The following RNF185 variants were observed in gnomAD, a reference collection of about 807,000 sequenced individuals.
RNF185 encodes ring finger protein 185.
A neutral mutation model predicts 24.9 loss-of-function variants in RNF185; 13 were observed. The ratio of observed to expected loss-of-function variants is 0.52; its 90% CI spans 0.34 to 0.83. The LOEUF (loss-of-function observed/expected upper bound fraction) is 0.83, where lower values mean the gene tolerates loss of function less well. Ranked by LOEUF, RNF185 falls within the 40% of genes least tolerant of loss-of-function variation. The pLI is 0.01. For missense variants in RNF185, 184 were observed against 244.7 expected (o/e 0.75, Z 1.65); for synonymous variants, 79 against 90.3 (o/e 0.88, Z 0.71).
intron 1 of RNF185, among the ~76,000 whole-genome samples, chr22:31,171,336 ATT>A (rs759793719): frequency 2.9e-5 from 4 of 136,800 alleles, no homozygotes; most frequent in Admixed American, 7.3e-5. Flanking sequence ...TGACCAGCTA[ATT>A]TTTTTTTTTT....
At chr22:31,172,059 C>A (rs2047935982) in intron 1 of RNF185, among the ~76,000 whole-genome samples, 1 of 152,196 alleles carries the variant, frequency 6.6e-6, no homozygotes, top group South Asian at 2.1e-4. Context: ...TTGGTTAGAT[C>A]TTGTCAAACT....
At chr22:31,193,006 G>A (rs1285346117) in intron 3 of RNF185, among the ~76,000 whole-genome samples, 1 of 152,178 alleles carries the variant, frequency 6.6e-6, no homozygotes, top group Non-Finnish European at 1.5e-5. Flanking sequence ...TTAAAACAGT[G>A]CCTCCTATCA....
At chr22:31,188,312 A>C (rs2048119850) in intron 2 of RNF185, among the ~76,000 whole-genome samples, 1 of 152,158 alleles carries the variant, frequency 6.6e-6, no homozygotes. Flanking sequence ...TTGGTGAATA[A>C]ATAGAATGGA....
intron 1 of RNF185, among the ~76,000 whole-genome samples, chr22:31,181,895 C>A (rs1162387755): frequency 6.6e-6 from 1 of 151,720 alleles, no homozygotes; most frequent in Non-Finnish European, 1.5e-5. Context: ...AGGAGGTATA[C>A]CTAATGTAAA....
At chr22:31,194,790 C>T (rs901032866) in intron 3 of RNF185, among the ~76,000 whole-genome samples, 67 of 152,034 alleles carry the variant, frequency 4.4e-4, no homozygotes, top group African/African-American at 1.5e-3. Context: ...ACAGTTGCTC[C>T]TACTGGGAAG....
chr22:31,195,412 C>T (rs2048195841), intron 3 of RNF185, 57 bp from the exon 4 acceptor site: 1 of 1,206,572 alleles, frequency 8.3e-7, no homozygotes, highest in African/African-American at 1.5e-5. Context: ...GTGGCTCTGG[C>T]TGATCACTCT....
chr22:31,181,996 A>C (rs905041548), intron 1 of RNF185, among the ~76,000 whole-genome samples: 4 of 151,848 alleles, frequency 2.6e-5, no homozygotes. Flanking sequence ...TAGAACTTAA[A>C]GTATAATAAA....
intron 2 of RNF185, among the ~76,000 whole-genome samples, chr22:31,190,285 GT>G (rs1287252796): frequency 6.6e-6 from 1 of 151,944 alleles, no homozygotes; most frequent in Non-Finnish European, 1.5e-5. Context: ...TGGATTTTTT[GT>G]TTGTTTGTTT....
intron 1 of RNF185, among the ~76,000 whole-genome samples, chr22:31,170,016 G>T (rs866405648): frequency 3.9e-5 from 6 of 152,168 alleles, no homozygotes; most frequent in African/African-American, 1.2e-4. Flanking sequence ...GAGCCAGATT[G>T]TGTCTGCTTC....
At chr22:31,187,519 T>TA (rs1158220070) in intron 2 of RNF185, among the ~76,000 whole-genome samples, 1 of 152,202 alleles carries the variant, frequency 6.6e-6, no homozygotes, top group Non-Finnish European at 1.5e-5. Flanking sequence ...AGTGAGCACT[T>TA]ACTACCTGCT....
rs1433906967 is a variant in RNF185 at position 31,206,829 on chromosome 22, CTTTCT to C, written c.*2247_*2251del. The C allele has an allele frequency of 6.6e-6, 1 of 152,214 alleles. No individual in the cohort carries two copies. Among genetic ancestry groups the C allele is most frequent in the African/African-American group, 2.4e-5 (1 of 41,450 alleles). 9.4% of individuals were successfully genotyped at this position (152,214 alleles called of 1,614,324 possible). A position where few individuals can be genotyped will look rare whatever the true frequency, so the allele number is the denominator to read the frequency against. The stretch of plus-strand genomic sequence containing the variant: ...TCATCCTTCTGCCAAGGCAGCTTTC[CTTTCT>C]TTTGTGTGTTTTCTGTGTTCTTAGC... On this transcript the variant is annotated 3_prime_UTR_variant, in exon 7 of 7. Transcript: ENST00000326132.
intron 1 of RNF185, among the ~76,000 whole-genome samples, chr22:31,166,151 C>T (rs1304438119): frequency 2.0e-5 from 3 of 152,032 alleles, no homozygotes; most frequent in South Asian, 2.1e-4. Flanking sequence ...CCACCATGCC[C>T]GACTAATTTT....
intron 1 of RNF185, among the ~76,000 whole-genome samples, chr22:31,162,458 A>G (rs1923638425): frequency 6.6e-6 from 1 of 152,120 alleles, no homozygotes; most frequent in South Asian, 2.1e-4. Flanking sequence ...ATTTGATGCT[A>G]ATAATAAGTT....
At chr22:31,191,223 C>T (rs2048153059) in intron 2 of RNF185, among the ~76,000 whole-genome samples, 1 of 152,208 alleles carries the variant, frequency 6.6e-6, no homozygotes, top group Non-Finnish European at 1.5e-5. Flanking sequence ...CTCCACTTCT[C>T]CCCTAGAGTC....
At chr22:31,203,678 G>C (rs5749232) in intron 6 of RNF185, among the ~76,000 whole-genome samples, 1 of 152,192 alleles carries the variant, frequency 6.6e-6, no homozygotes, top group Admixed American at 6.5e-5. Context: ...AAATTGGACC[G>C]TGTCTTGTCC....
At chr22:31,186,756 A>T (rs1048640318) in intron 1 of RNF185, among the ~76,000 whole-genome samples, 36 of 152,322 alleles carry the variant, frequency 2.4e-4, no homozygotes, top group African/African-American at 8.4e-4. Flanking sequence ...GAATCTAAAG[A>T]CAAGTGAGAC....
chr22:31,201,621 A>G lies in RNF185; in HGVS notation c.481+6A>G. ...TGATGGGCGGCCTCCTCCAGGTAAGACCCTATTTCCTTGAGAAATTAGGAA... is the reference window on the plus strand; with the variant it reads ...TGATGGGCGGCCTCCTCCAGGTAAGGCCCTATTTCCTTGAGAAATTAGGAA... On this transcript the variant is annotated splice_donor_region_variant and intron_variant, in intron 6 of 6. Transcript: ENST00000326132. 1 of 1,584,290 alleles carries G rather than the reference A, an allele frequency of 6.3e-7. No homozygotes were observed. The highest frequency in any genetic ancestry group is 8.7e-7 in the Non-Finnish European group (1 of 1,153,890).
chr22:31,168,881 T>C (rs751434318), intron 1 of RNF185, among the ~76,000 whole-genome samples: 4 of 152,126 alleles, frequency 2.6e-5, no homozygotes, highest in South Asian at 2.1e-4. Flanking sequence ...TCTATTCAAG[T>C]CCTTTGCCCC....
chr22:31,163,656 TTTTA>T (rs60362805), intron 1 of RNF185, among the ~76,000 whole-genome samples: 3,496 of 141,056 alleles, frequency 0.025, 138 homozygotes, highest in African/African-American at 0.083. Flanking sequence ...TTTTATTTTA[TTTTA>T]TTTATTTATT....
Sources: gnomAD v4.1 joint callset for allele counts (sites outside exome capture counted in the v4.1 genomes callset) on GRCh38, gnomAD v4.1.1 for gene constraint, MANE v1.5 for transcripts, NCBI Gene and HGNC (gene_info 2026-07-23, HGNC 2026-07-21) for gene names.